The following PRKCA variants were observed in gnomAD, a reference collection of about 807,000 sequenced individuals.
PRKCA encodes protein kinase C alpha.
A neutral mutation model predicts 87.0 loss-of-function variants in PRKCA; 27 were observed. That is an observed-to-expected ratio of 0.31 (90% CI 0.23 to 0.43). The LOEUF (loss-of-function observed/expected upper bound fraction) is 0.43, where lower values mean the gene tolerates loss of function less well. Among genes scored for constraint, PRKCA ranks in the 20% least tolerant of loss-of-function variants. The pLI is 1.00. For missense variants in PRKCA, 518 were observed against 852.3 expected (o/e 0.61, Z 4.88); for synonymous variants, 329 against 311.1 (o/e 1.06, Z -0.61).
intron 8 of PRKCA, among the ~76,000 whole-genome samples, chr17:66,729,024 A>C (rs1477786553): frequency 6.6e-6 from 1 of 152,246 alleles, no homozygotes; most frequent in African/African-American, 2.4e-5. Context: ...TCTTTCTGGT[A>C]ACTTTTTTCT....
intron 3 of PRKCA, among the ~76,000 whole-genome samples, chr17:66,499,798 G>A (rs768832000): frequency 8.5e-5 from 13 of 152,114 alleles, no homozygotes; most frequent in South Asian, 4.2e-4. Flanking sequence ...AAGAGAAAGA[G>A]GTATATTAGA....
intron 5 of PRKCA, among the ~76,000 whole-genome samples, chr17:66,675,360 G>GGTTA (rs1038393467): frequency 1.5e-4 from 23 of 152,156 alleles, no homozygotes; most frequent in African/African-American, 5.6e-4. Context: ...TCGCCTTGGG[G>GGTTA]GTTAGGATTT....
At chr17:66,412,238 G>GT (rs1911855534) in intron 2 of PRKCA, among the ~76,000 whole-genome samples, 3 of 151,928 alleles carry the variant, frequency 2.0e-5, no homozygotes, top group Admixed American at 1.3e-4. Context: ...TGTATTTTTG[G>GT]GAGAGACAGT....
chr17:66,786,403 T>A (rs917712850), intron 14 of PRKCA, among the ~76,000 whole-genome samples: 3 of 152,124 alleles, frequency 2.0e-5, no homozygotes, highest in Non-Finnish European at 4.4e-5. Flanking sequence ...CCAGTGTGAA[T>A]TACTGGGAAC....
chr17:66,393,408 G>GAC (rs58658273), intron 2 of PRKCA, among the ~76,000 whole-genome samples: 37 of 151,732 alleles, frequency 2.4e-4, no homozygotes, highest in African/African-American at 6.3e-4. Flanking sequence ...GCTTCTCCCG[G>GAC]ACACACACAC....
At chr17:66,439,943 A>G (rs1913636183) in intron 2 of PRKCA, among the ~76,000 whole-genome samples, 1 of 152,200 alleles carries the variant, frequency 6.6e-6, no homozygotes, top group Non-Finnish European at 1.5e-5. Context: ...TAATAAGTGC[A>G]ACTGTCTCCT....
intron 3 of PRKCA, among the ~76,000 whole-genome samples, chr17:66,587,176 G>C (rs1209299831): frequency 6.6e-6 from 1 of 152,112 alleles, no homozygotes. Flanking sequence ...TTTTCCTACA[G>C]TTCTATGAAC....
Position 66,392,520 on chromosome 17 carries a change from A to C in PRKCA, c.205+86393A>C, listed in dbSNP as rs550908009. Among the ~76,000 whole-genome samples the C allele has an allele frequency of 2.6e-5, 4 of 152,296 alleles. No individual in the cohort carries two copies. The South Asian group carries it at 8.3e-4, about 32-fold the overall frequency. On this transcript the variant is annotated intron_variant, in intron 2 of 16. Coordinates refer to ENST00000413366, the MANE Select transcript of PRKCA (RefSeq NM_002737.3). ...TTTTATGATTCCTCTGTGGTTTTGT[A>C]ATAACCACACTTATTATTTCCTTAG...
At chr17:66,442,992 G>A (rs1038973963) in intron 2 of PRKCA, among the ~76,000 whole-genome samples, 9 of 152,294 alleles carry the variant, frequency 5.9e-5, no homozygotes, top group Non-Finnish European at 8.8e-5. Flanking sequence ...AGGAGCCCTG[G>A]CCATCGTCCC....
At chr17:66,654,732 G>T (rs192848483) in intron 5 of PRKCA, among the ~76,000 whole-genome samples, 1 of 152,234 alleles carries the variant, frequency 6.6e-6, no homozygotes, top group Non-Finnish European at 1.5e-5. Context: ...ACCACTGGGG[G>T]TGAGGGTCTG....
At chr17:66,764,077 C>A (rs1231396054) in intron 13 of PRKCA, among the ~76,000 whole-genome samples, 3 of 152,188 alleles carry the variant, frequency 2.0e-5, no homozygotes, top group Admixed American at 2.0e-4. Context: ...GGGTTCTAAT[C>A]CAAGCGTTGC....
intron 5 of PRKCA, among the ~76,000 whole-genome samples, chr17:66,664,618 T>C (rs75971739): frequency 0.044 from 6,275 of 143,502 alleles, 205 homozygotes; most frequent in Non-Finnish European, 0.07. Flanking sequence ...CTCAATTTCT[T>C]GTTTCTTTGG....
At position 66,804,878 on chromosome 17, in the gene PRKCA, A is replaced by G; in HGVS notation, c.*841A>G. 1 of 446,774 alleles carries G rather than the reference A, an allele frequency of 2.2e-6. No individual in the cohort carries two copies. The highest frequency in any genetic ancestry group is 6.4e-5 in the Admixed American group (1 of 15,584). The allele number at this position is 446,774 out of a possible 1,614,324, so 27.7% of individuals were successfully genotyped here. ...TCCATCCAGGGTGCCATCAGTAATC[A>G]TGCCACTACTCACCAGTGTTGTTCA... On this transcript the variant is annotated 3_prime_UTR_variant, in exon 17 of 17. Transcript: ENST00000413366.
At chr17:66,617,324 G>T (rs1970545608) in intron 3 of PRKCA, among the ~76,000 whole-genome samples, 1 of 152,116 alleles carries the variant, frequency 6.6e-6, no homozygotes, top group African/African-American at 2.4e-5. Context: ...TCGTTGGCTG[G>T]TTTGAAGCCT....
At position 66,546,779 on chromosome 17, in the gene PRKCA, G is replaced by A. The variant is rs1183971346; in HGVS notation, c.288+50496G>A. ...TGTTTTGGGGAACACAATACGACCC[G>A]CAGCATTAGTTTTACCTCTTCGTGT... is the stretch of plus-strand genomic sequence containing the variant. On this transcript the variant is annotated intron_variant, in intron 3 of 16. Transcript: ENST00000413366. Among the ~76,000 whole-genome samples, 7 of 152,230 alleles carry A rather than the reference G, an allele frequency of 4.6e-5. No homozygotes were observed. In the East Asian group the frequency reaches 5.8e-4, roughly 13 times the overall value.
At chr17:66,561,970 G>T (rs1968693159) in intron 3 of PRKCA, among the ~76,000 whole-genome samples, 1 of 150,510 alleles carries the variant, frequency 6.6e-6, no homozygotes, top group South Asian at 2.1e-4. Flanking sequence ...TGGTGGTGAT[G>T]GTTGCAGAAT....
At chr17:66,531,440 G>GAACTCCCCCATTGACCCTAATGTGA (rs1408629873) in intron 3 of PRKCA, among the ~76,000 whole-genome samples, 19 of 152,160 alleles carry the variant, frequency 1.2e-4, no homozygotes, top group African/African-American at 3.9e-4. Context: ...TGCTTTGCCA[G>GAACTCCCCCATTGACCCTAATGTGA]AACTCCCCCA....
rs984160690 is a variant in PRKCA at position 66,565,507 on chromosome 17, A to C, written c.288+69224A>C. 2.0e-5 allele frequency among the ~76,000 whole-genome samples: 3 copies of C among 152,178 alleles called. No homozygotes were observed. In the East Asian group the frequency reaches 5.8e-4, roughly 29 times the overall value. The stretch of plus-strand genomic sequence containing the variant: ...AGCAAAATATGAATCGTAGCTCCAC[A>C]ATTATAACGTGGGACTTTCTTTATA... On this transcript the variant is annotated intron_variant, in intron 3 of 16. Transcript: ENST00000413366.
At chr17:66,363,485 C>A (rs1020030943) in intron 2 of PRKCA, among the ~76,000 whole-genome samples, 3 of 152,158 alleles carry the variant, frequency 2.0e-5, no homozygotes, top group Non-Finnish European at 4.4e-5. Context: ...TCCTTTCTTT[C>A]CATAAGTAAT....
Sources: gnomAD v4.1 joint callset for allele counts (sites outside exome capture counted in the v4.1 genomes callset) on GRCh38, gnomAD v4.1.1 for gene constraint, MANE v1.5 for transcripts, NCBI Gene and HGNC (gene_info 2026-07-23, HGNC 2026-07-21) for gene names.